The following GRB14 variants were observed in gnomAD, a reference collection of about 807,000 sequenced individuals.
The protein encoded by GRB14 is growth factor receptor bound protein 14, also known as growth factor receptor-bound protein 14.
Under a neutral mutation model 69.1 loss-of-function variants are expected in GRB14, and 38 were observed. That is an observed-to-expected ratio of 0.55 (90% CI 0.42 to 0.72). GRB14 has a LOEUF of 0.72. GRB14 is among the 30% of genes least tolerant of loss of function. The pLI, the probability that GRB14 is intolerant of heterozygous loss-of-function variation, is 0.00. For missense variants in GRB14, 666 were observed against 666.1 expected, an observed-to-expected ratio of 1.00 and a Z score of 0.00; for synonymous variants, 247 against 241.3, an observed-to-expected ratio of 1.02 and a Z score of -0.22.
intron 2 of GRB14, chr2:164,573,733 C>G: frequency 6.2e-7 from 1 of 1,606,594 alleles, no homozygotes; most frequent in South Asian, 1.1e-5. Flanking sequence ...AGTTTCTTCT[C>G]AATATTCATG....
chr2:164,510,043 T>C (rs1284273135), intron 6 of GRB14, among the ~76,000 whole-genome samples: 2 of 152,098 alleles, frequency 1.3e-5, no homozygotes, highest in African/African-American at 4.8e-5. Context: ...AGACCCAGAA[T>C]AGGACCCTCG....
intron 6 of GRB14, among the ~76,000 whole-genome samples, chr2:164,518,575 C>T (rs1486652759): frequency 1.3e-5 from 2 of 151,738 alleles, no homozygotes; most frequent in Non-Finnish European, 2.9e-5. Context: ...ATAAATGAAA[C>T]AAAAGCTGGT....
chr2:164,521,844 C>A, intron 6 of GRB14, 136 bp downstream of exon 6: 2 of 738,134 alleles, frequency 2.7e-6, no homozygotes, highest in African/African-American at 1.8e-5. Context: ...ATAATCAAGG[C>A]AAACGTTTTA....
intron 9 of GRB14, among the ~76,000 whole-genome samples, chr2:164,499,184 G>A (rs1040284729): frequency 6.6e-6 from 1 of 151,738 alleles, no homozygotes; most frequent in African/African-American, 2.4e-5. Flanking sequence ...CAACTCCCTG[G>A]CAACATAAAA....
intron 9 of GRB14, among the ~76,000 whole-genome samples, chr2:164,500,944 A>T (rs779823349): frequency 6.6e-6 from 1 of 152,128 alleles, no homozygotes. Flanking sequence ...GAGGACATTA[A>T]ATAATTGCCT....
intron 2 of GRB14, among the ~76,000 whole-genome samples, chr2:164,601,568 G>C (rs1415184956): frequency 6.6e-6 from 1 of 152,108 alleles, no homozygotes; most frequent in East Asian, 1.9e-4. Flanking sequence ...GGCTCTCTCA[G>C]GCATAATCTG....
chr2:164,498,889 C>T (rs1290910594), intron 9 of GRB14, among the ~76,000 whole-genome samples: 1 of 152,178 alleles, frequency 6.6e-6, no homozygotes, highest in Non-Finnish European at 1.5e-5. Context: ...TTCTAAAGAT[C>T]TGGCATGCAA....
intron 2 of GRB14, among the ~76,000 whole-genome samples, chr2:164,592,686 T>C (rs1222671493): frequency 6.6e-6 from 1 of 152,220 alleles, no homozygotes; most frequent in Non-Finnish European, 1.5e-5. Context: ...AAGAGAATCA[T>C]GACTAATGAC....
chr2:164,600,513 G>A (rs1689889916), intron 2 of GRB14, among the ~76,000 whole-genome samples: 1 of 152,030 alleles, frequency 6.6e-6, no homozygotes, highest in African/African-American at 2.4e-5. Flanking sequence ...CTTCAAAAGT[G>A]GTATAGAGTC....
intron 2 of GRB14, among the ~76,000 whole-genome samples, chr2:164,619,073 A>G (rs1690377821): frequency 6.6e-6 from 1 of 152,162 alleles, no homozygotes; most frequent in Admixed American, 6.5e-5. Context: ...GCTTAAGTCA[A>G]TCCCAAACTA....
chr2:164,494,858 G>GT (rs1312403918), intron 12 of GRB14, among the ~76,000 whole-genome samples: 1 of 152,128 alleles, frequency 6.6e-6, no homozygotes, highest in Non-Finnish European at 1.5e-5. Flanking sequence ...GTATTCACAT[G>GT]TAACTGTTTT....
In GRB14 at chr2:164,592,960, C is replaced by G. The variant is rs368738602; in HGVS notation, c.324+26727G>C. Among the ~76,000 whole-genome samples, 6 of 152,184 alleles carry G rather than the reference C, an allele frequency of 3.9e-5. No homozygotes were observed. In the East Asian group the frequency reaches 9.6e-4, roughly 24 times the overall value. On this transcript the variant is annotated intron_variant, in intron 2 of 13. Coordinates refer to ENST00000263915, the MANE Select transcript of GRB14 (RefSeq NM_004490.3). The stretch of plus-strand genomic sequence containing the variant: ...CATGATAAGCCTTTTGTTTAATCAA[C>G]ATGTAGTTGCAAGTGTGCAAAAACC...
chr2:164,584,147 A>ATTTTTTTT (rs55883951), intron 2 of GRB14, among the ~76,000 whole-genome samples: 391 of 49,956 alleles, frequency 7.8e-3, no homozygotes, highest in East Asian at 0.015. Context: ...CAGCCTGGCT[A>ATTTTTTTT]TTTTTTTTTT....
intron 13 of GRB14, among the ~76,000 whole-genome samples, chr2:164,493,900 A>T (rs1361782201): frequency 1.3e-5 from 2 of 152,160 alleles, no homozygotes; most frequent in Admixed American, 6.5e-5. Context: ...ACCCACACAG[A>T]CACACAGCAG....
chr2:164,574,058 T>C lies in GRB14; in HGVS notation c.325-26242A>G, dbSNP rs1689184861. The C allele has an allele frequency of 5.4e-6, 6 of 1,106,736 alleles. 1 individual carries two copies. In the South Asian group the frequency reaches 7.7e-5, roughly 14 times the overall value. 68.6% of individuals were successfully genotyped at this position (1,106,736 alleles called of 1,614,324 possible). Reference sequence around the variant, plus strand: ...CAGCAATAAATATGTAGCCTAGATCTTCAGAGGTAAATTCAGAAACTCTGG... The same window carrying C: ...CAGCAATAAATATGTAGCCTAGATCCTCAGAGGTAAATTCAGAAACTCTGG... On this transcript the variant is annotated intron_variant, in intron 2 of 13. Coordinates refer to ENST00000263915, the MANE Select transcript of GRB14 (RefSeq NM_004490.3).
intron 2 of GRB14, among the ~76,000 whole-genome samples, chr2:164,602,972 G>A (rs1447302987): frequency 1.3e-5 from 2 of 152,112 alleles, no homozygotes; most frequent in East Asian, 1.9e-4. Flanking sequence ...AGTCAGGTAA[G>A]AAAAAGAAAG....
intron 6 of GRB14, among the ~76,000 whole-genome samples, chr2:164,514,360 G>A (rs1254440807): frequency 1.3e-5 from 2 of 152,094 alleles, no homozygotes; most frequent in African/African-American, 4.8e-5. Context: ...GCCCCCAGAA[G>A]ACAGCCAAAA....
intron 3 of GRB14, among the ~76,000 whole-genome samples, chr2:164,530,614 CAGAT>C (rs1274845814): frequency 2.0e-5 from 3 of 151,294 alleles, no homozygotes; most frequent in Admixed American, 1.3e-4. Flanking sequence ...AGGAGCCAAG[CAGAT>C]AGAGAGGAGA....
chr2:164,538,968 T>C (rs1381181986), intron 3 of GRB14, among the ~76,000 whole-genome samples: 3 of 152,050 alleles, frequency 2.0e-5, no homozygotes, highest in African/African-American at 7.3e-5. Flanking sequence ...CTGAGAGAGA[T>C]GTAGAGTGAG....
Sources: gnomAD v4.1 joint callset for allele counts (sites outside exome capture counted in the v4.1 genomes callset) on GRCh38, gnomAD v4.1.1 for gene constraint, MANE v1.5 for transcripts, NCBI Gene and HGNC (gene_info 2026-07-23, HGNC 2026-07-21) for gene names.